The following HECW2 variants were observed in gnomAD, a reference collection of about 807,000 sequenced individuals.
HECW2 encodes the protein E3 ubiquitin-protein ligase HECW2.
HECW2 carries 61 observed loss-of-function variants against 175.2 expected under a neutral mutation model. The observed-to-expected ratio is 0.35, with a 90% CI of 0.28 to 0.43. HECW2 has a LOEUF of 0.43. Ranked by LOEUF, HECW2 falls within the 20% of genes least tolerant of loss-of-function variation. The pLI is 1.00. For missense variants in HECW2, 1,524 were observed against 2,000.5 expected, an observed-to-expected ratio of 0.76 and a Z score of 4.54; for synonymous variants, 671 against 731.0, an observed-to-expected ratio of 0.92 and a Z score of 1.32.
chr2:196,502,984 T>A (rs1687627426), intron 1 of HECW2, among the ~76,000 whole-genome samples: 1 of 152,336 alleles, frequency 6.6e-6, no homozygotes, highest in Middle Eastern at 3.4e-3. Flanking sequence ...AAAGACCAGA[T>A]TTGAATTGGG....
chr2:196,433,062 A>C, intron 2 of HECW2, 70 bp downstream of exon 2: 9 of 1,420,880 alleles, frequency 6.3e-6, no homozygotes, highest in Non-Finnish European at 8.6e-6. Context: ...GAAAATACAG[A>C]ATGGTAAAAA....
rs531679751 is a variant in HECW2 at position 196,258,086 on chromosome 2, G to A, written c.3336-180C>T. 5 of 562,100 alleles carry A rather than the reference G, an allele frequency of 8.9e-6. No individual in the cohort carries two copies. In the East Asian group the frequency reaches 1.5e-4, roughly 16 times the overall value. The allele number at this position is 562,100 out of a possible 1,614,324, so 34.8% of individuals were successfully genotyped here. ...GACATGGTCTTTGCCTTCAAGGGGG[G>A]GGATCTTGTAAGCATCAACACCTCC... On this transcript the variant is annotated intron_variant, in intron 17 of 28. Coordinates refer to ENST00000644978, the MANE Select transcript of HECW2 (RefSeq NM_001348768.2).
In HECW2 at chr2:196,368,762, C is replaced by T. The variant is rs79436193; in HGVS notation, c.293-24998G>A. ...GATCAATTCTGCTGCTAAGAGTCTCCGAGGCATTCTTCAATATGTCAGTTG... is the reference window on the plus strand; with the variant it reads ...GATCAATTCTGCTGCTAAGAGTCTCTGAGGCATTCTTCAATATGTCAGTTG... On this transcript the variant is annotated intron_variant, in intron 2 of 28. Transcript: ENST00000644978. 5.9e-5 allele frequency among the ~76,000 whole-genome samples: 9 copies of T among 152,084 alleles called. No homozygotes were observed. In the East Asian group the frequency reaches 1.4e-3, roughly 23 times the overall value.
At chr2:196,481,489 C>T (rs908747578) in intron 1 of HECW2, among the ~76,000 whole-genome samples, 8 of 152,150 alleles carry the variant, frequency 5.3e-5, no homozygotes, top group African/African-American at 9.7e-5. Flanking sequence ...TGGAAACCAC[C>T]GGCAGACCAT....
intron 2 of HECW2, among the ~76,000 whole-genome samples, chr2:196,358,585 CAAAAAAAAAAA>C (rs144181608): frequency 8.9e-5 from 6 of 67,352 alleles, no homozygotes; most frequent in Admixed American, 2.6e-4. Flanking sequence ...GACTCTGTCT[CAAAAAAAAAAA>C]AAAAAAAAAA....
intron 2 of HECW2, among the ~76,000 whole-genome samples, chr2:196,391,705 C>A (rs745611236): frequency 1.3e-5 from 2 of 152,154 alleles, no homozygotes; most frequent in South Asian, 4.1e-4. Context: ...TGACAAAGTA[C>A]CACAAACTGA....
chr2:196,234,523 C>T (rs545853115), intron 21 of HECW2, among the ~76,000 whole-genome samples: 6 of 152,086 alleles, frequency 3.9e-5, no homozygotes, highest in Admixed American at 2.6e-4. Context: ...TGGAACTCCT[C>T]GCCTGAAGCA....
chr2:196,332,955 CA>C, intron 4 of HECW2, among the ~76,000 whole-genome samples: 1 of 152,116 alleles, frequency 6.6e-6, no homozygotes, highest in Non-Finnish European at 1.5e-5. Flanking sequence ...AATGGAAACT[CA>C]AATATAATTC....
At chr2:196,588,663 C>T (rs1691074087) in intron 1 of HECW2, among the ~76,000 whole-genome samples, 1 of 152,174 alleles carries the variant, frequency 6.6e-6, no homozygotes, top group African/African-American at 2.4e-5. Context: ...ATTGCATACA[C>T]ACACACACAC....
At position 196,225,890 on chromosome 2, in the gene HECW2, G is replaced by A. The variant is rs750436065; in HGVS notation, c.3918-20C>T. ...CGGAACCTGTGAAGGAAACACATGA[G>A]ATGGCTTACATGTCATGGAGCAGTT... On this transcript the variant is annotated intron_variant, in intron 22 of 28. Transcript: ENST00000644978. 9 of 1,448,270 alleles carry A rather than the reference G, an allele frequency of 6.2e-6. No homozygotes were observed. The highest frequency in any genetic ancestry group is 8.7e-6 in the Non-Finnish European group (9 of 1,029,300). The allele number at this position is 1,448,270 out of a possible 1,614,324, so 89.7% of individuals were successfully genotyped here. A position where few individuals can be genotyped will look rare whatever the true frequency, so the allele number is the denominator to read the frequency against.
intron 2 of HECW2, among the ~76,000 whole-genome samples, chr2:196,386,507 C>T (rs940184685): frequency 2.6e-5 from 4 of 152,204 alleles, no homozygotes; most frequent in Non-Finnish European, 5.9e-5. Flanking sequence ...TGTAAAGAAG[C>T]AGACCACCTG....
rs10622627 is a variant in HECW2, at chr2:196,321,391, C to CTTTT, written c.885-956_885-953dup. The stretch of plus-strand genomic sequence containing the variant: ...ATTAAATGACTTATTCTTTTTCTCT[C>CTTTT]TTTTTTTTTTTTTTGAGACAGAGTC... On this transcript the variant is annotated intron_variant, in intron 7 of 28. Transcript: ENST00000644978. 2.0e-3 allele frequency among the ~76,000 whole-genome samples: 276 copies of CTTTT among 139,786 alleles called. 2 individuals carry two copies. The highest frequency in any genetic ancestry group is 5.6e-3 in the South Asian group (25 of 4,480). The allele number at this position is 139,786 out of a possible 152,430, so 91.7% of individuals were successfully genotyped here. A position where few individuals can be genotyped will look rare whatever the true frequency, so the allele number is the denominator to read the frequency against.
intron 1 of HECW2, among the ~76,000 whole-genome samples, chr2:196,434,539 C>T (rs151058581): frequency 4.6e-5 from 7 of 152,262 alleles, no homozygotes; most frequent in African/African-American, 7.2e-5. Flanking sequence ...TGTACTTTAA[C>T]GCAGCACAAC....
chr2:196,491,090 T>C (rs1184162850), intron 1 of HECW2, among the ~76,000 whole-genome samples: 1 of 152,114 alleles, frequency 6.6e-6, no homozygotes, highest in Admixed American at 6.5e-5. Flanking sequence ...TCAAAATACA[T>C]AAATTTTATG....
rs558705503 is a variant in HECW2 at position 196,346,206 on chromosome 2, G to C, written c.293-2442C>G. Among the ~76,000 whole-genome samples, 43 of 152,222 alleles carry C rather than the reference G, an allele frequency of 2.8e-4. No homozygotes were observed. The South Asian group carries it at 8.7e-3, about 31-fold the overall frequency. On this transcript the variant is annotated intron_variant, in intron 2 of 28. Coordinates refer to ENST00000644978, the MANE Select transcript of HECW2 (RefSeq NM_001348768.2). Reference sequence around the variant, plus strand: ...CACTGTAAAAGTGTATGCATTATTTGGTATTACTAAACTTTTTCTCCCCAG... The same window carrying C: ...CACTGTAAAAGTGTATGCATTATTTCGTATTACTAAACTTTTTCTCCCCAG...
chr2:196,377,205 G>C (rs1251171638), intron 2 of HECW2, among the ~76,000 whole-genome samples: 2 of 152,234 alleles, frequency 1.3e-5, no homozygotes, highest in African/African-American at 4.8e-5. Flanking sequence ...ATCCCGAAGA[G>C]AGAGTCTCAA....
At chr2:196,213,403 G>T (rs16847196) in intron 28 of HECW2, among the ~76,000 whole-genome samples, 33,915 of 152,012 alleles carry the variant, frequency 0.22, 4,473 homozygotes, top group East Asian at 0.45. Context: ...TGGATCTAGG[G>T]TTTTGCTTAG....
chr2:196,235,301 T>G (rs1234184909), intron 21 of HECW2, among the ~76,000 whole-genome samples: 1 of 151,872 alleles, frequency 6.6e-6, no homozygotes, highest in Non-Finnish European at 1.5e-5. Context: ...GGTTTCACCA[T>G]GAGTTAGCCA....
Position 196,325,065 on chromosome 2 carries a change from C to A in HECW2, c.656G>T (p.Ser219Ile). 6.2e-7 allele frequency: 1 copy of A among 1,612,622 alleles called. No individual in the cohort carries two copies. Among genetic ancestry groups the A allele is most frequent in the South Asian group, 1.1e-5 (1 of 90,916 alleles). The change falls in exon 6 of 29, where the codon AGC becomes ATC. Residue 219 changes from serine to isoleucine, a missense_variant. By Grantham distance (142) the Ser-to-Ile change is moderately radical. This residue lies in a region of HECW2 where 95 missense variants were observed against 136.8 expected (regional missense o/e 0.69). Transcript: ENST00000644978. ...GTGGTGGGCACAGGTGGGGAAACTG[C>A]TCTTCTTTCCTGGCTGAATTGACAT... ...LKMSIQPGKK[S>I]SFPTCAHHGQ...
Sources: gnomAD v4.1 joint callset for allele counts (sites outside exome capture counted in the v4.1 genomes callset) on GRCh38, gnomAD v4.1.1 for gene constraint, gnomAD v4.1.1 regional missense constraint, MANE v1.5 for transcripts, NCBI Gene and HGNC (gene_info 2026-07-23, HGNC 2026-07-21) for gene names.